Variants in CAMK1D observed in about 807,000 individuals in gnomAD.
The protein encoded by CAMK1D is calcium/calmodulin-dependent protein kinase type 1D.
A neutral mutation model predicts 47.7 loss-of-function variants in CAMK1D; 9 were observed. The ratio of observed to expected loss-of-function variants is 0.19; its 90% CI spans 0.11 to 0.33. The LOEUF is 0.33. CAMK1D is among the 10% of genes least tolerant of loss of function. The pLI, the probability that CAMK1D is intolerant of heterozygous loss-of-function variation, is 1.00. For missense variants in CAMK1D, 291 were observed against 488.7 expected, an observed-to-expected ratio of 0.60 and a Z score of 3.81; for synonymous variants, 184 against 184.9, an observed-to-expected ratio of 0.99 and a Z score of 0.04.
intron 5 of CAMK1D, among the ~76,000 whole-genome samples, chr10:12,789,979 C>T (rs954704451): frequency 3.9e-5 from 6 of 152,366 alleles, no homozygotes; most frequent in Middle Eastern, 3.4e-3. Flanking sequence ...CCAGCTATGC[C>T]AGACGCTGCT....
At chr10:12,475,527 A>C (rs1188541437) in intron 1 of CAMK1D, among the ~76,000 whole-genome samples, 2 of 151,948 alleles carry the variant, frequency 1.3e-5, no homozygotes, top group Admixed American at 1.3e-4. Flanking sequence ...CCATTCCTCT[A>C]TCCATGGGTA....
chr10:12,469,417 G>C (rs770893398), intron 1 of CAMK1D, among the ~76,000 whole-genome samples: 3 of 150,020 alleles, frequency 2.0e-5, no homozygotes, highest in African/African-American at 4.9e-5. Context: ...TTCCCTGAGA[G>C]GTGTGCAGAT....
chr10:12,466,763 T>C (rs965782142), intron 1 of CAMK1D, among the ~76,000 whole-genome samples: 1 of 152,050 alleles, frequency 6.6e-6, no homozygotes, highest in Non-Finnish European at 1.5e-5. Flanking sequence ...GATCTGTGCC[T>C]GGGAAATGTG....
At chr10:12,455,361 C>A (rs1318462678) in intron 1 of CAMK1D, among the ~76,000 whole-genome samples, 6 of 152,056 alleles carry the variant, frequency 3.9e-5, no homozygotes, top group Non-Finnish European at 8.8e-5. Flanking sequence ...TTTGTAGAGA[C>A]AGGGGTTTTG....
chr10:12,479,552 G>A (rs1477271216), intron 1 of CAMK1D, among the ~76,000 whole-genome samples: 3 of 152,188 alleles, frequency 2.0e-5, no homozygotes, highest in Non-Finnish European at 4.4e-5. Flanking sequence ...CCGCTGCTGT[G>A]GGGACCATGC....
At chr10:12,688,803 C>G (rs1832757182) in intron 3 of CAMK1D, among the ~76,000 whole-genome samples, 1 of 152,132 alleles carries the variant, frequency 6.6e-6, no homozygotes, top group African/African-American at 2.4e-5. Context: ...TCCTGCCTTA[C>G]CCCCTGAGTA....
chr10:12,564,401 A>C (rs991069959), intron 2 of CAMK1D, among the ~76,000 whole-genome samples: 2 of 152,036 alleles, frequency 1.3e-5, no homozygotes, highest in African/African-American at 4.8e-5. Context: ...GAATTATTTT[A>C]GTGAAGCTTT....
intron 3 of CAMK1D, among the ~76,000 whole-genome samples, chr10:12,745,805 T>C (rs1835646669): frequency 6.6e-6 from 1 of 152,090 alleles, no homozygotes; most frequent in African/African-American, 2.4e-5. Flanking sequence ...GATTTCACCA[T>C]GTTGGCCAGG....
intron 1 of CAMK1D, among the ~76,000 whole-genome samples, chr10:12,527,001 G>A (rs1049886892): frequency 6.6e-6 from 1 of 151,704 alleles, no homozygotes; most frequent in Non-Finnish European, 1.5e-5. Context: ...CCTAGGCAAT[G>A]TAGCAAGACC....
chr10:12,500,185 G>T (rs1210454624), intron 1 of CAMK1D, among the ~76,000 whole-genome samples: 2 of 152,176 alleles, frequency 1.3e-5, no homozygotes, highest in Admixed American at 1.3e-4. Context: ...AGAATCGCTT[G>T]AACCTGGAAG....
intron 1 of CAMK1D, among the ~76,000 whole-genome samples, chr10:12,492,077 G>T (rs1025950646): frequency 6.6e-6 from 1 of 152,132 alleles, no homozygotes; most frequent in African/African-American, 2.4e-5. Context: ...GAGCCATCGT[G>T]CCTGGCCTGT....
chr10:12,668,186 A>G (rs1448043865), intron 3 of CAMK1D, among the ~76,000 whole-genome samples: 1 of 152,224 alleles, frequency 6.6e-6, no homozygotes, highest in African/African-American at 2.4e-5. Flanking sequence ...CTAGAAGTTC[A>G]TGTGACTTTG....
intron 1 of CAMK1D, among the ~76,000 whole-genome samples, chr10:12,436,619 C>T (rs1449116726): frequency 2.6e-5 from 4 of 152,174 alleles, no homozygotes; most frequent in South Asian, 2.1e-4. Flanking sequence ...ATCTCATAAG[C>T]TCGGATGCTG....
chr10:12,510,299 C>T (rs1027515891), intron 1 of CAMK1D, among the ~76,000 whole-genome samples: 4 of 152,210 alleles, frequency 2.6e-5, no homozygotes, highest in Non-Finnish European at 5.9e-5. Context: ...ACCTGTAATC[C>T]GAGTTACTTG....
At chr10:12,705,651 G>T (rs1179943788) in intron 3 of CAMK1D, among the ~76,000 whole-genome samples, 1 of 152,160 alleles carries the variant, frequency 6.6e-6, no homozygotes, top group Non-Finnish European at 1.5e-5. Context: ...TCCTACTCAA[G>T]GTAAATGCAA....
At chr10:12,478,766 C>T (rs1465640422) in intron 1 of CAMK1D, among the ~76,000 whole-genome samples, 1 of 152,118 alleles carries the variant, frequency 6.6e-6, no homozygotes, top group Admixed American at 6.6e-5. Context: ...GGGCACTGTG[C>T]AGTAGGATCT....
chr10:12,530,594 G>T (rs937366263), intron 1 of CAMK1D, among the ~76,000 whole-genome samples: 1 of 152,194 alleles, frequency 6.6e-6, no homozygotes, highest in Non-Finnish European at 1.5e-5. Flanking sequence ...GGAATGTTTT[G>T]TGGGATCTTG....
chr10:12,712,418 T>A (rs1163512258), intron 3 of CAMK1D, among the ~76,000 whole-genome samples: 1 of 152,202 alleles, frequency 6.6e-6, no homozygotes, highest in East Asian at 1.9e-4. Context: ...CTGGAATTGC[T>A]ACAACAGAAC....
chr10:12,747,841 A>G (rs971193888), intron 3 of CAMK1D, among the ~76,000 whole-genome samples: 3 of 152,198 alleles, frequency 2.0e-5, no homozygotes, highest in Non-Finnish European at 2.9e-5. Context: ...GCAGTCAAGC[A>G]GGAGGGATCC....
Sources: allele counts gnomAD v4.1 joint callset (sites outside exome capture counted in the v4.1 genomes callset), GRCh38; gene constraint gnomAD v4.1.1; transcripts MANE v1.5; gene names NCBI Gene and HGNC (gene_info 2026-07-23, HGNC 2026-07-21).